The following PRKCH variants were observed in gnomAD, a reference collection of about 807,000 sequenced individuals.
The protein encoded by PRKCH is protein kinase C eta type.
Under a neutral mutation model 82.5 loss-of-function variants are expected in PRKCH, and 28 were observed. The ratio of observed to expected loss-of-function variants is 0.34; its 90% CI spans 0.25 to 0.47. The LOEUF is 0.47. Ranked by LOEUF, PRKCH falls within the 20% of genes least tolerant of loss-of-function variation. PRKCH has a pLI of 1.00. For missense variants in PRKCH, 705 were observed against 881.8 expected (o/e 0.80, Z 2.54); for synonymous variants, 322 against 327.4 (o/e 0.98, Z 0.18).
intron 1 of PRKCH, among the ~76,000 whole-genome samples, chr14:61,350,957 G>C (rs554712040): frequency 6.6e-6 from 1 of 152,300 alleles, no homozygotes; most frequent in Admixed American, 6.5e-5. Flanking sequence ...CTCAATCAAG[G>C]AAACAAGTAG....
At chr14:61,416,048 CTTTTCT>C (rs1882533081) in intron 2 of PRKCH, among the ~76,000 whole-genome samples, 1 of 91,238 alleles carries the variant, frequency 1.1e-5, no homozygotes, top group African/African-American at 4.1e-5. Context: ...CTTTTCTTTT[CTTTTCT>C]TTTTTTTTTT....
chr14:61,547,854 C>T lies in PRKCH; in HGVS notation c.1873C>T (p.Arg625Cys), dbSNP rs375617319. 24 of 1,613,818 alleles carry T rather than the reference C, an allele frequency of 1.5e-5. No individual in the cohort carries two copies. Among genetic ancestry groups the T allele is most frequent in the East Asian group, 6.7e-5 (3 of 44,892 alleles). The change falls in exon 13 of 14, where the codon CGC (arginine) becomes TGC (cysteine). Residue 625 changes from arginine to cysteine, a missense_variant. By Grantham distance (180) the Arg-to-Cys change is radical. Transcript: ENST00000332981. ...AATCGACTGGGCCCAGCTGAACCATCGCCAAATAGAACCGCCTTTCAGACC... is the reference window on the plus strand; with the variant it reads ...AATCGACTGGGCCCAGCTGAACCATTGCCAAATAGAACCGCCTTTCAGACC... ...KEIDWAQLNH[R>C]QIEPPFRPRI...
At chr14:61,406,772 C>T (rs2140226191) in intron 2 of PRKCH, among the ~76,000 whole-genome samples, 1 of 152,258 alleles carries the variant, frequency 6.6e-6, no homozygotes, top group Non-Finnish European at 1.5e-5. Flanking sequence ...ACAGCTTCCA[C>T]TTCACGCTGA....
chr14:61,220,052 G>A lies in PRKCH; in HGVS notation c.-19+32384G>A, dbSNP rs530088517. 2.4e-4 allele frequency among the ~76,000 whole-genome samples: 37 copies of A among 152,288 alleles called. No individual in the cohort carries two copies. The South Asian group carries it at 3.7e-3, about 15-fold the overall frequency. On this transcript the variant is annotated intron_variant, in intron 1 of 3. Transcript: ENST00000555185. The stretch of plus-strand genomic sequence containing the variant: ...GGGTCCCAATATCTTCCAGCTCAGC[G>A]GTTCATGGGAGACGCTGCCACAGTA...
In PRKCH at chr14:61,485,496, A is replaced by G. The variant is rs1276930557; in HGVS notation, c.1279-6A>G. Reference sequence around the variant, plus strand: ...ACATTGGGCCCTCTCTTGTGTTTGTATCCAGGATCGTCTGTTTTTTGTGAT... The same window carrying G: ...ACATTGGGCCCTCTCTTGTGTTTGTGTCCAGGATCGTCTGTTTTTTGTGAT... On this transcript the variant is annotated splice_polypyrimidine_tract_variant and splice_region_variant and intron_variant, in intron 9 of 13. Transcript: ENST00000332981. 11 of 1,613,584 alleles carry G rather than the reference A, an allele frequency of 6.8e-6. No individual in the cohort carries two copies. Among genetic ancestry groups the G allele is most frequent in the Non-Finnish European group, 9.3e-6 (11 of 1,179,716 alleles).
At chr14:61,312,826 T>C (rs369707957) in intron 1 of PRKCH, among the ~76,000 whole-genome samples, 65 of 152,016 alleles carry the variant, frequency 4.3e-4, no homozygotes, top group African/African-American at 1.6e-3. Context: ...GAGCTACAAT[T>C]CAAGACGCGA....
upstream of PRKCH, among the ~76,000 whole-genome samples, chr14:61,318,053 C>T (rs1057004193): frequency 1.3e-5 from 2 of 151,948 alleles, no homozygotes; most frequent in African/African-American, 2.4e-5. Context: ...CTCTTTATCC[C>T]TGCCCCAATC....
At chr14:61,354,057 A>G (rs1210509836) in intron 1 of PRKCH, 1 of 152,214 alleles carries the variant, frequency 6.6e-6, no homozygotes, top group African/African-American at 2.4e-5. Flanking sequence ...GTGTTTTTGA[A>G]GTAACATTGC....
At chr14:61,460,572 G>A (rs1884983757) in intron 9 of PRKCH, among the ~76,000 whole-genome samples, 1 of 152,178 alleles carries the variant, frequency 6.6e-6, no homozygotes. Context: ...TCTGAAATAA[G>A]TTCTGTTATT....
At chr14:61,502,023 G>A (rs1057455963) in intron 10 of PRKCH, among the ~76,000 whole-genome samples, 7 of 150,838 alleles carry the variant, frequency 4.6e-5, no homozygotes, top group Non-Finnish European at 8.8e-5. Flanking sequence ...CTTAAAGAAA[G>A]GTAGTAGGTA....
At position 61,547,888 on chromosome 14, in the gene PRKCH, T is replaced by G; in HGVS notation, c.1905+2T>G. ...GAACCGCCTTTCAGACCCAGAATCG[T>G]AAGTGTCCCAGGCTGTCACAGAGAC... On this transcript the variant is annotated splice_donor_variant, in intron 13 of 13. Transcript: ENST00000332981. LOFTEE classifies it high-confidence loss of function. The G allele has an allele frequency of 6.2e-7, 1 of 1,613,498 alleles. No individual in the cohort carries two copies. Among genetic ancestry groups the G allele is most frequent in the East Asian group, 2.2e-5 (1 of 44,862 alleles).
chr14:61,218,273 C>T (rs1378853009), intron 1 of PRKCH, among the ~76,000 whole-genome samples: 2 of 152,204 alleles, frequency 1.3e-5, no homozygotes, highest in African/African-American at 2.4e-5. Context: ...CTCTCTCCCT[C>T]TCTCTGTCTC....
At chr14:61,516,717 G>A (rs1211924676) in intron 10 of PRKCH, among the ~76,000 whole-genome samples, 1 of 152,112 alleles carries the variant, frequency 6.6e-6, no homozygotes. Flanking sequence ...GTCCAGTATT[G>A]GTAGGAAATC....
chr14:61,486,378 C>T (rs1312769408), intron 10 of PRKCH, among the ~76,000 whole-genome samples: 2 of 152,172 alleles, frequency 1.3e-5, no homozygotes, highest in South Asian at 2.1e-4. Flanking sequence ...TAATATCTTC[C>T]GTGTGTAGCC....
rs544986718 is a variant in PRKCH, at chr14:61,408,530, T to C, written c.427+17242T>C. Among the ~76,000 whole-genome samples, 54 of 152,284 alleles carry C rather than the reference T, an allele frequency of 3.5e-4. No homozygotes were observed. In the South Asian group the frequency reaches 0.011, roughly 31 times the overall value. ...TTGGATCAGATGGACTTGGTTCTGC[T>C]GCCTGTCCTTCCTTGCTGCGTGACC... On this transcript the variant is annotated intron_variant, in intron 2 of 13. Transcript: ENST00000332981.
At chr14:61,478,797 G>T (rs962904145) in intron 9 of PRKCH, among the ~76,000 whole-genome samples, 2 of 152,038 alleles carry the variant, frequency 1.3e-5, no homozygotes, top group African/African-American at 2.4e-5. Context: ...GAAGTTCAGC[G>T]CTGCAGTGAG....
At chr14:61,215,917 C>G (rs1594856603) in intron 1 of PRKCH, among the ~76,000 whole-genome samples, 2 of 152,296 alleles carry the variant, frequency 1.3e-5, no homozygotes, top group East Asian at 1.9e-4. Context: ...AGAATTGAGA[C>G]TGCTGCTTAG....
intron 1 of PRKCH, among the ~76,000 whole-genome samples, chr14:61,390,084 G>A (rs1226597562): frequency 6.6e-6 from 1 of 152,168 alleles, no homozygotes; most frequent in Admixed American, 6.5e-5. Context: ...GTAAATTCAT[G>A]TATTTGAGTC....
intron 10 of PRKCH, among the ~76,000 whole-genome samples, chr14:61,509,860 AG>A (rs1246503899): frequency 1.3e-5 from 2 of 152,196 alleles, no homozygotes; most frequent in Admixed American, 6.5e-5. Flanking sequence ...GGTTGCAGTG[AG>A]CCAAGATCGT....
Sources: allele counts gnomAD v4.1 joint callset (sites outside exome capture counted in the v4.1 genomes callset), GRCh38; gene constraint gnomAD v4.1.1; transcripts MANE v1.5; gene names NCBI Gene and HGNC (gene_info 2026-07-23, HGNC 2026-07-21).